The following PRKCB variants were observed in gnomAD, a reference collection of about 807,000 sequenced individuals.
The protein encoded by PRKCB is protein kinase C beta.
Under a neutral mutation model 81.5 loss-of-function variants are expected in PRKCB, and 13 were observed. The observed-to-expected ratio is 0.16, with a 90% CI of 0.10 to 0.25. PRKCB has a LOEUF of 0.25. Ranked by LOEUF, PRKCB falls within the 10% of genes least tolerant of loss-of-function variation. PRKCB has a pLI of 1.00. For missense variants in PRKCB, 509 were observed against 875.7 expected (o/e 0.58, Z 5.29); for synonymous variants, 335 against 321.4 (o/e 1.04, Z -0.45).
chr16:24,005,512 C>T (rs927224589), intron 3 of PRKCB, among the ~76,000 whole-genome samples: 8 of 152,132 alleles, frequency 5.3e-5, no homozygotes, highest in Middle Eastern at 3.2e-3. Flanking sequence ...ACTTGAGTGG[C>T]GGTTCCGGCG....
chr16:24,139,020 T>G (rs965580908), intron 9 of PRKCB, among the ~76,000 whole-genome samples: 1 of 151,900 alleles, frequency 6.6e-6, no homozygotes, highest in Non-Finnish European at 1.5e-5. Flanking sequence ...CCCGGCTAAA[T>G]TTTATATTTT....
chr16:24,086,299 A>C (rs1246331737), intron 5 of PRKCB, among the ~76,000 whole-genome samples: 1 of 152,104 alleles, frequency 6.6e-6, no homozygotes, highest in Non-Finnish European at 1.5e-5. Flanking sequence ...GCAAAGGACC[A>C]GGTAAACTGT....
chr16:24,110,110 GGGGAGA>G (rs1176097019), intron 7 of PRKCB, among the ~76,000 whole-genome samples: 4,375 of 110,846 alleles, frequency 0.039, 115 homozygotes, highest in African/African-American at 0.13. Context: ...GGGAGACCGT[GGGGAGA>G]GGGAGAGGGA....
intron 8 of PRKCB, among the ~76,000 whole-genome samples, chr16:24,119,776 G>A (rs149288503): frequency 5.7e-4 from 87 of 152,046 alleles, no homozygotes; most frequent in Admixed American, 2.6e-3. Context: ...CTACCCCCTC[G>A]TTGCCTCTAC....
chr16:23,908,793 C>T (rs928331080), intron 2 of PRKCB, among the ~76,000 whole-genome samples: 4 of 152,170 alleles, frequency 2.6e-5, no homozygotes, highest in Non-Finnish European at 5.9e-5. Context: ...GCTGGGATTA[C>T]AGGCGTGAGC....
intron 2 of PRKCB, 142 bp from the exon 3 acceptor site, chr16:23,988,366 G>A (rs1172914502): frequency 1.6e-6 from 1 of 634,076 alleles, no homozygotes; most frequent in South Asian, 1.9e-5. Flanking sequence ...AGCTGCAGAA[G>A]CTGACATTAT....
At chr16:24,000,211 G>A (rs1002441819) in intron 3 of PRKCB, among the ~76,000 whole-genome samples, 2 of 152,192 alleles carry the variant, frequency 1.3e-5, no homozygotes, top group Admixed American at 6.5e-5. Flanking sequence ...AGAGGCCATA[G>A]CAGAACAGAA....
intron 2 of PRKCB, chr16:23,869,049 C>T (rs1048697092): frequency 2.2e-6 from 1 of 447,570 alleles, no homozygotes; most frequent in Non-Finnish European, 4.5e-6. Context: ...CAATTATTTG[C>T]TCCCACCTCA....
chr16:24,077,495 AT>A (rs1189134224), intron 5 of PRKCB, among the ~76,000 whole-genome samples: 16 of 150,976 alleles, frequency 1.1e-4, no homozygotes, highest in African/African-American at 3.7e-4. Context: ...CTCTCCATCC[AT>A]CCATCCATCC....
At chr16:23,912,903 C>A (rs1287443952) in intron 2 of PRKCB, among the ~76,000 whole-genome samples, 1 of 151,848 alleles carries the variant, frequency 6.6e-6, no homozygotes, top group African/African-American at 2.4e-5. Flanking sequence ...AAGCTCACTG[C>A]AGCCTCGAAC....
chr16:24,051,217 G>A (rs145206896), intron 5 of PRKCB, among the ~76,000 whole-genome samples: 42 of 152,318 alleles, frequency 2.8e-4, no homozygotes, highest in Non-Finnish European at 5.4e-4. Flanking sequence ...CAGAGGAAGC[G>A]GAAAGAAAAC....
rs150966574 is a variant in PRKCB at position 23,904,119 on chromosome 16, G to A, written c.205+66713G>A. Among the ~76,000 whole-genome samples, 234 of 152,226 alleles carry A rather than the reference G, an allele frequency of 1.5e-3. 2 individuals are homozygous for A. Among genetic ancestry groups the A allele is most frequent in the African/African-American group, 5.3e-3 (221 of 41,526 alleles). ...TTCCCTCATGAGCTATAAGGGCCAC[G>A]ATGGCAGGGGGTGTGTCTACCTTGT... On this transcript the variant is annotated intron_variant, in intron 2 of 16. Transcript: ENST00000643927.
Position 23,905,496 on chromosome 16 carries a change from A to T in PRKCB, c.205+68090A>T, listed in dbSNP as rs186134796. The stretch of plus-strand genomic sequence containing the variant: ...GGTAAACAAGGAACACCTTTTTAGT[A>T]TAAGTATGTCCCAAATATTGCATAG... On this transcript the variant is annotated intron_variant, in intron 2 of 16. Transcript: ENST00000643927. Among the ~76,000 whole-genome samples the T allele has an allele frequency of 2.0e-5, 3 of 152,336 alleles. No homozygotes were observed. The East Asian group carries it at 5.8e-4, about 29-fold the overall frequency.
intron 9 of PRKCB, among the ~76,000 whole-genome samples, chr16:24,131,712 T>G (rs1680997548): frequency 6.6e-6 from 1 of 152,236 alleles, no homozygotes; most frequent in Non-Finnish European, 1.5e-5. Flanking sequence ...ATACATTTAT[T>G]TTAATGTGTT....
chr16:23,971,687 C>A (rs547234743), intron 2 of PRKCB, among the ~76,000 whole-genome samples: 45 of 152,240 alleles, frequency 3.0e-4, no homozygotes, highest in Middle Eastern at 3.4e-3. Flanking sequence ...CTTACTTGCC[C>A]CTGTTACGTC....
chr16:24,179,785 T>C (rs1967590432), intron 12 of PRKCB, among the ~76,000 whole-genome samples: 1 of 152,246 alleles, frequency 6.6e-6, no homozygotes, highest in Non-Finnish European at 1.5e-5. Flanking sequence ...ATTTTCATCA[T>C]ACCACTTATC....
intron 2 of PRKCB, among the ~76,000 whole-genome samples, chr16:23,967,963 T>C (rs1383076249): frequency 6.6e-6 from 1 of 152,170 alleles, no homozygotes; most frequent in African/African-American, 2.4e-5. Flanking sequence ...CCTTTTATGG[T>C]GTCTTTGAAG....
chr16:23,982,185 C>T (rs1387797330), intron 2 of PRKCB, among the ~76,000 whole-genome samples: 1 of 36,570 alleles, frequency 2.7e-5, no homozygotes, highest in Non-Finnish European at 5.2e-5. Context: ...TTCCCTTTCC[C>T]TTCCTCTTCC....
intron 2 of PRKCB, among the ~76,000 whole-genome samples, chr16:23,967,241 G>A (rs1964500458): frequency 6.6e-6 from 1 of 152,174 alleles, no homozygotes; most frequent in African/African-American, 2.4e-5. Flanking sequence ...CTGCCACCAG[G>A]CAGTGAGTTA....
Sources: allele counts gnomAD v4.1 joint callset (sites outside exome capture counted in the v4.1 genomes callset), GRCh38; gene constraint gnomAD v4.1.1; transcripts MANE v1.5; gene names NCBI Gene and HGNC (gene_info 2026-07-23, HGNC 2026-07-21).